Variants in CNBD1 observed in about 807,000 individuals in gnomAD.
CNBD1 encodes the protein cyclic nucleotide-binding domain-containing protein 1.
A neutral mutation model predicts 54.4 loss-of-function variants in CNBD1; 71 were observed. The observed-to-expected ratio is 1.30, with a 90% CI of 1.08 to 1.59. CNBD1 has a LOEUF of 1.59. CNBD1 is among the 40% of genes most tolerant of loss of function. CNBD1 has a pLI of 0.00. For synonymous variants in CNBD1, 182 were observed against 170.7 expected, an observed-to-expected ratio of 1.07 and a Z score of -0.51; for missense variants, 659 against 518.0, an observed-to-expected ratio of 1.27 and a Z score of -2.64.
At chr8:87,232,250 C>G (rs1334214332) in intron 5 of CNBD1, among the ~76,000 whole-genome samples, 18 of 152,076 alleles carry the variant, frequency 1.2e-4, no homozygotes, top group Non-Finnish European at 4.4e-5. Flanking sequence ...TGTACAAGTC[C>G]TTTTTGGACA....
Position 86,949,621 on chromosome 8 carries a change from A to C in CNBD1, c.431+9867A>C, listed in dbSNP as rs553685241. On this transcript the variant is annotated intron_variant, in intron 4 of 10. Transcript: ENST00000518476. ...ATCAGTTCTAATCATTTTAGGGGGG[A>C]GTCTTTAGGTTTTTCCAAATATAAG... Among the ~76,000 whole-genome samples the C allele has an allele frequency of 8.0e-5, 12 of 150,910 alleles. No individual in the cohort carries two copies. In the East Asian group the frequency reaches 2.2e-3, roughly 27 times the overall value.
chr8:87,378,744 C>G (rs1315055713), intron 10 of CNBD1, among the ~76,000 whole-genome samples: 1 of 151,074 alleles, frequency 6.6e-6, no homozygotes, highest in Non-Finnish European at 1.5e-5. Flanking sequence ...TTACCTTGGG[C>G]AGTATGGACA....
chr8:87,138,921 G>A (rs959089571), intron 4 of CNBD1, among the ~76,000 whole-genome samples: 6 of 152,266 alleles, frequency 3.9e-5, no homozygotes, highest in African/African-American at 1.4e-4. Flanking sequence ...ATATATTTTA[G>A]GAGGCTTTAT....
intron 8 of CNBD1, among the ~76,000 whole-genome samples, chr8:87,331,628 T>G (rs4961026): frequency 0.56 from 85,409 of 151,526 alleles, 25,585 homozygotes; most frequent in African/African-American, 0.77. Flanking sequence ...GATCCTTAAA[T>G]TATCACCACA....
intron 2 of CNBD1, among the ~76,000 whole-genome samples, chr8:87,398,299 T>G (rs1364387176): frequency 6.6e-6 from 1 of 151,794 alleles, no homozygotes; most frequent in Non-Finnish European, 1.5e-5. Flanking sequence ...CCATTTCTAG[T>G]ACCATCCAAT....
chr8:87,174,256 C>T (rs1323647567), intron 4 of CNBD1, among the ~76,000 whole-genome samples: 1 of 152,048 alleles, frequency 6.6e-6, no homozygotes, highest in Non-Finnish European at 1.5e-5. Context: ...CCACGCCTGG[C>T]CTCTTTTTTA....
chr8:87,217,724 C>A (rs1439118196), intron 5 of CNBD1, among the ~76,000 whole-genome samples: 1 of 151,862 alleles, frequency 6.6e-6, no homozygotes, highest in African/African-American at 2.4e-5. Flanking sequence ...GAAACCAATT[C>A]TAAAGCTCAT....
chr8:87,371,559 C>G (rs2130948649), intron 10 of CNBD1, among the ~76,000 whole-genome samples: 1 of 152,076 alleles, frequency 6.6e-6, no homozygotes, highest in East Asian at 2.0e-4. Flanking sequence ...GACCAATATC[C>G]TTGATTAACA....
intron 4 of CNBD1, among the ~76,000 whole-genome samples, chr8:87,086,354 C>T (rs1321071138): frequency 6.6e-6 from 1 of 152,140 alleles, no homozygotes; most frequent in Non-Finnish European, 1.5e-5. Flanking sequence ...TGCTGAGTAA[C>T]CCCAGCCCTC....
chr8:87,384,631 TTG>T (rs1322456108), downstream of CNBD1, among the ~76,000 whole-genome samples: 1 of 152,214 alleles, frequency 6.6e-6, no homozygotes, highest in East Asian at 1.9e-4. Context: ...GCACCTAACA[TTG>T]TGTCAGACAC....
intron 8 of CNBD1, among the ~76,000 whole-genome samples, chr8:87,343,216 G>T (rs191350039): frequency 6.6e-6 from 1 of 152,044 alleles, no homozygotes; most frequent in African/African-American, 2.4e-5. Flanking sequence ...CAGTTATTCC[G>T]TTCTTTTTTA....
intron 4 of CNBD1, among the ~76,000 whole-genome samples, chr8:87,059,609 T>G (rs1810500029): frequency 6.6e-6 from 1 of 152,058 alleles, no homozygotes; most frequent in African/African-American, 2.4e-5. Context: ...GTGAAGGAGG[T>G]TGGGGAAGCC....
At chr8:87,115,533 A>G (rs1811750237) in intron 4 of CNBD1, among the ~76,000 whole-genome samples, 1 of 152,196 alleles carries the variant, frequency 6.6e-6, no homozygotes, top group South Asian at 2.1e-4. Context: ...TGCAATGAGG[A>G]GTCCATACCT....
At chr8:87,086,696 T>A (rs114007594) in intron 4 of CNBD1, among the ~76,000 whole-genome samples, 5,273 of 152,148 alleles carry the variant, frequency 0.035, 325 homozygotes, top group African/African-American at 0.12. Flanking sequence ...TGAAAAAAAA[T>A]TTAAATTATG....
intron 4 of CNBD1, among the ~76,000 whole-genome samples, chr8:87,005,245 C>T (rs550988158): frequency 1.6e-4 from 24 of 152,034 alleles, no homozygotes; most frequent in African/African-American, 5.8e-4. Flanking sequence ...TGGCGGGCGC[C>T]TGTAGTCCCA....
At chr8:87,379,092 A>T (rs536854014) in intron 10 of CNBD1, among the ~76,000 whole-genome samples, 15 of 151,492 alleles carry the variant, frequency 9.9e-5, no homozygotes, top group Non-Finnish European at 1.9e-4. Context: ...CAATCATGTC[A>T]TCTGCAAACA....
At chr8:86,958,863 C>T (rs2130464533) in intron 4 of CNBD1, among the ~76,000 whole-genome samples, 1 of 152,208 alleles carries the variant, frequency 6.6e-6, no homozygotes, top group Admixed American at 6.5e-5. Flanking sequence ...GAATTTGATC[C>T]TGTCATTATG....
chr8:87,152,171 G>T (rs62527293), intron 4 of CNBD1, among the ~76,000 whole-genome samples: 162 of 152,138 alleles, frequency 1.1e-3, no homozygotes, highest in Non-Finnish European at 2.1e-3. Context: ...GTTACACCCA[G>T]AGTGGAATGA....
chr8:86,997,026 T>C (rs1808889231), intron 4 of CNBD1, among the ~76,000 whole-genome samples: 1 of 152,196 alleles, frequency 6.6e-6, no homozygotes, highest in South Asian at 2.1e-4. Flanking sequence ...TAGAAAGCCC[T>C]ACCTTCTAAT....
Sources: gnomAD v4.1 joint callset for allele counts (sites outside exome capture counted in the v4.1 genomes callset) on GRCh38, gnomAD v4.1.1 for gene constraint, MANE v1.5 for transcripts, NCBI Gene and HGNC (gene_info 2026-07-23, HGNC 2026-07-21) for gene names.